SLC6A16: variants seen among roughly 807,000 people sequenced by gnomAD.
SLC6A16 encodes the protein solute carrier family 6 member 16.
Under a neutral mutation model 65.4 loss-of-function variants are expected in SLC6A16, and 54 were observed. That is an observed-to-expected ratio of 0.83 (90% confidence interval 0.66 to 1.04). SLC6A16 has a LOEUF of 1.04. SLC6A16 is among the 50% of genes least tolerant of loss of function. The pLI is 0.00. For synonymous variants in SLC6A16, 330 were observed against 346.5 expected, an observed-to-expected ratio of 0.95 and a Z score of 0.53; for missense variants, 816 against 914.0, an observed-to-expected ratio of 0.89 and a Z score of 1.38.
At chr19:49,339,890 T>G in the SLC6A16 span, 1 of 1,343,052 alleles carries the variant, frequency 7.4e-7, no homozygotes, top group Non-Finnish European at 9.6e-7. The surrounding 1 kb of genome is among the most constrained non-coding windows in gnomAD (Gnocchi z 4.5). Context: ...CTCTGGCCGC[T>G]GTGGGTTCAA....
Position 49,293,458 on chromosome 19 carries a change from C to G in SLC6A16, c.1619-76G>C, listed in dbSNP as rs1012255620. 18 of 1,453,814 alleles carry G rather than the reference C, an allele frequency of 1.2e-5. No individual in the cohort carries two copies. The African/African-American group carries it at 1.7e-4, about 14-fold the overall frequency. The allele number at this position is 1,453,814 out of a possible 1,614,324, so 90.1% of individuals were successfully genotyped here. A position where few individuals can be genotyped will look rare whatever the true frequency, so the allele number is the denominator to read the frequency against. On this transcript the variant is annotated intron_variant, in intron 9 of 11. Transcript: ENST00000335875. Reference sequence around the variant, plus strand: ...CAAGGGCTAAGTAGAGGCCATAGACCAGGGCTGGTGGCAGACCCAGTGGTA... The same window carrying G: ...CAAGGGCTAAGTAGAGGCCATAGACGAGGGCTGGTGGCAGACCCAGTGGTA...
At chr19:49,303,818 T>G (rs1335830979) in intron 7 of SLC6A16, among the ~76,000 whole-genome samples, 2 of 152,368 alleles carry the variant, frequency 1.3e-5, no homozygotes, top group East Asian at 3.9e-4. Context: ...TTTTAAAACT[T>G]TGTATCTGTC....
At chr19:49,339,554 A>C in the SLC6A16 span, 6 of 1,463,268 alleles carry the variant, frequency 4.1e-6, no homozygotes, top group Non-Finnish European at 5.5e-6. This position sits in a 1 kb window ranked among gnomAD's most constrained non-coding sequence, Gnocchi z 4.5. Context: ...CGCTCCACCC[A>C]GCACCGGAGG....
intron 1 of SLC6A16, among the ~76,000 whole-genome samples, chr19:49,324,596 A>G (rs2146185897): frequency 6.6e-6 from 1 of 152,278 alleles, no homozygotes; most frequent in Non-Finnish European, 1.5e-5. Context: ...AGAAATGCCC[A>G]TTCCCCTCAC....
At position 49,294,386 on chromosome 19, in the gene SLC6A16, A is replaced by G. The variant is rs1184393372; in HGVS notation, c.1397T>C (p.Ile466Thr). 1.9e-6 allele frequency: 3 copies of G among 1,613,934 alleles called. No individual in the cohort carries two copies. Among genetic ancestry groups the G allele is most frequent in the African/African-American group, 1.3e-5 (1 of 74,882 alleles). Residue 466 changes from isoleucine to threonine, a missense_variant, in exon 8 of 12, where the codon ATA becomes ACA. Ile to Thr is a moderately conservative substitution (Grantham distance 89). Transcript: ENST00000335875. ...MVLREVTECN[I>T]ETQFLKASEG... ...ACTGACCTTAAGAAACTGAGTCTCT[A>G]TGTTGCACTCAGTCACCTCGCGGAG...
intron 7 of SLC6A16, among the ~76,000 whole-genome samples, chr19:49,296,582 T>A (rs557643774): frequency 7.0e-4 from 106 of 152,286 alleles, no homozygotes; most frequent in African/African-American, 2.5e-3. Flanking sequence ...CAACTGAATA[T>A]CTAAATAGAA....
intron 1 of SLC6A16, among the ~76,000 whole-genome samples, chr19:49,318,868 ATTTTTTT>A (rs71180618): frequency 3.8e-5 from 4 of 104,584 alleles, no homozygotes; most frequent in African/African-American, 1.2e-4. Flanking sequence ...ACAACTGGCT[ATTTTTTT>A]TTTTTTTTTT....
intron 1 of SLC6A16, among the ~76,000 whole-genome samples, chr19:49,314,021 G>A (rs1970573295): frequency 6.6e-6 from 1 of 151,924 alleles, no homozygotes; most frequent in African/African-American, 2.4e-5. Flanking sequence ...GCGTGAACCT[G>A]GGAAGCGGAG....
chr19:49,309,282 G>C lies in SLC6A16; in HGVS notation c.987+19C>G, dbSNP rs771290950. ...GTGCCCTACAAGGCCTGACGGGGGA[G>C]TGAGGAGATAGATTTCACCTTGGCA... is the stretch of plus-strand genomic sequence containing the variant. On this transcript the variant is annotated intron_variant, in intron 6 of 11. Transcript: ENST00000335875. 1 of 1,594,766 alleles carries C rather than the reference G, an allele frequency of 6.3e-7. No homozygotes were observed. The highest frequency in any genetic ancestry group is 1.3e-5 in the African/African-American group (1 of 74,604).
Position 49,294,490 on chromosome 19 carries a change from AG to A in SLC6A16, c.1292del (p.Pro431LeufsTer31). 1 of 1,614,044 alleles carries A rather than the reference AG, an allele frequency of 6.2e-7. No homozygotes were observed. ...AGGTTGGGTTGTAAAGCAGGTTGAC[AG>A]GGGGCTTGGCATCAGGAGGCAGTTT... ...LGKLPPDAKP[P>X]VNLLYNPTSI... On this transcript the variant is annotated frameshift_variant, in exon 8 of 12. Coordinates refer to ENST00000335875, the MANE Select transcript of SLC6A16 (RefSeq NM_014037.3). LOFTEE classifies it high-confidence loss of function.
At chr19:49,312,184 G>A (rs903191785) in intron 1 of SLC6A16, among the ~76,000 whole-genome samples, 1 of 152,080 alleles carries the variant, frequency 6.6e-6, no homozygotes, top group Admixed American at 6.6e-5. Context: ...TAAGAACACT[G>A]AAGTACTATT....
At chr19:49,290,571 C>G in intron 11 of SLC6A16, 34 bp downstream of exon 11, 1 of 1,612,034 alleles carries the variant, frequency 6.2e-7, no homozygotes, top group East Asian at 2.2e-5. Context: ...GGCCCCTACT[C>G]CCAAAGGGGT....
intron 10 of SLC6A16, among the ~76,000 whole-genome samples, chr19:49,291,021 T>C (rs1402676206): frequency 6.6e-6 from 1 of 152,100 alleles, no homozygotes; most frequent in Non-Finnish European, 1.5e-5. Flanking sequence ...AAAGGCCAAG[T>C]CTCTTTCATT....
intron 1 of SLC6A16, among the ~76,000 whole-genome samples, chr19:49,321,858 G>A (rs901327004): frequency 1.3e-5 from 2 of 151,488 alleles, no homozygotes. Flanking sequence ...GGAGGTCAAC[G>A]CTACAGTGAG....
intron 1 of SLC6A16, among the ~76,000 whole-genome samples, chr19:49,314,895 T>C (rs1200005708): frequency 6.6e-6 from 1 of 152,136 alleles, no homozygotes; most frequent in Non-Finnish European, 1.5e-5. Flanking sequence ...AAGTCTGAAA[T>C]TATGTCAAAA....
intron 1 of SLC6A16, among the ~76,000 whole-genome samples, chr19:49,317,902 A>C (rs1466354469): frequency 3.3e-5 from 5 of 152,216 alleles, no homozygotes; most frequent in Non-Finnish European, 7.3e-5. Context: ...GCCAGAAAAC[A>C]AGGTAACTAA....
At chr19:49,309,938 T>G (rs1365631149) in intron 4 of SLC6A16, 102 bp downstream of exon 4, 4 of 1,504,018 alleles carry the variant, frequency 2.7e-6, no homozygotes, top group Non-Finnish European at 3.6e-6. Context: ...TTTTCCTTCT[T>G]CTTCCTCTTC....
At chr19:49,316,306 A>G (rs1191278077) in intron 1 of SLC6A16, among the ~76,000 whole-genome samples, 3 of 152,204 alleles carry the variant, frequency 2.0e-5, no homozygotes, top group African/African-American at 7.2e-5. Flanking sequence ...CCCAAAATCC[A>G]TGGATAATAT....
At position 49,311,270 on chromosome 19, in the gene SLC6A16, G is replaced by A; in HGVS notation, c.78C>T (p.Val26=). The change falls in exon 2 of 12, where the codon GTC becomes GTT. Residue 26 remains valine (V), a synonymous_variant. Coordinates refer to ENST00000335875, the MANE Select transcript of SLC6A16 (RefSeq NM_014037.3). ...TGTCTTCCCACGTTTGACTTCCTGG[G>A]ACACTGTCAGAAATCACTGTGCCAG... The part of the protein sequence containing the change: ...SWTGTVISDS[V]PGSQTWEDKG... The A allele has an allele frequency of 1.9e-6, 3 of 1,613,564 alleles. No homozygotes were observed. Among genetic ancestry groups the A allele is most frequent in the South Asian group, 2.2e-5 (2 of 91,004 alleles).
Sources: allele counts gnomAD v4.1 joint callset (sites outside exome capture counted in the v4.1 genomes callset), GRCh38; gene constraint gnomAD v4.1.1; non-coding constraint Gnocchi (gnomAD v3.1); transcripts MANE v1.5; gene names NCBI Gene and HGNC (gene_info 2026-07-23, HGNC 2026-07-21).